LGR5: variants seen among roughly 807,000 people sequenced by gnomAD.
LGR5 encodes leucine rich repeat containing G protein-coupled receptor 5.
LGR5 carries 54 observed loss-of-function variants against 76.7 expected under a neutral mutation model. The ratio of observed to expected loss-of-function variants is 0.70; its 90% CI spans 0.57 to 0.88. The LOEUF (loss-of-function observed/expected upper bound fraction) is 0.88, where lower values mean the gene tolerates loss of function less well. LGR5 is among the 40% of genes least tolerant of loss of function. The pLI, the probability that LGR5 is intolerant of heterozygous loss-of-function variation, is 0.00. For missense variants in LGR5, 1,078 were observed against 1,073.3 expected, an observed-to-expected ratio of 1.00 and a Z score of -0.06; for synonymous variants, 406 against 421.9, an observed-to-expected ratio of 0.96 and a Z score of 0.46.
chr12:71,524,370 A>T (rs753546594), intron 2 of LGR5, 36 bp from the exon 3 acceptor site: 1 of 1,460,390 alleles, frequency 6.8e-7, no homozygotes, highest in African/African-American at 1.4e-5. Context: ...ATGAAGAGGT[A>T]TGCTCACTCT....
chr12:71,581,087 C>A lies in LGR5; in HGVS notation c.1552+664C>A, dbSNP rs562025965. ...TGTTTCTGAGGATGTCTTTTTCATA[C>A]GTACTTCAGAAACTTTTTCTCCAGA... On this transcript the variant is annotated intron_variant, in intron 16 of 17. Transcript: ENST00000266674. Among the ~76,000 whole-genome samples, 13 of 152,312 alleles carry A rather than the reference C, an allele frequency of 8.5e-5. No individual in the cohort carries two copies. The East Asian group carries it at 2.3e-3, about 27-fold the overall frequency.
At chr12:71,543,349 C>T (rs1318881413) in intron 4 of LGR5, among the ~76,000 whole-genome samples, 1 of 152,154 alleles carries the variant, frequency 6.6e-6, no homozygotes, top group African/African-American at 2.4e-5. Context: ...AATTAGTTTT[C>T]CCATTGTCTC....
At chr12:71,465,955 ACT>A (rs1872846472) in intron 1 of LGR5, among the ~76,000 whole-genome samples, 1 of 152,052 alleles carries the variant, frequency 6.6e-6, no homozygotes, top group African/African-American at 2.4e-5. Flanking sequence ...CCTCTTCCAT[ACT>A]CCTTTCCATT....
At chr12:71,442,538 T>A (rs1363893603) in intron 1 of LGR5, among the ~76,000 whole-genome samples, 1 of 152,256 alleles carries the variant, frequency 6.6e-6, no homozygotes, top group African/African-American at 2.4e-5. Context: ...TACTTATTTC[T>A]AATGCAACAC....
intron 15 of LGR5, among the ~76,000 whole-genome samples, chr12:71,579,498 A>G (rs1258828803): frequency 1.3e-5 from 2 of 152,132 alleles, no homozygotes; most frequent in African/African-American, 2.4e-5. Context: ...TTTAATTTTT[A>G]ATGTTTTTAT....
chr12:71,498,240 A>C (rs983637656), intron 1 of LGR5, among the ~76,000 whole-genome samples: 20 of 152,216 alleles, frequency 1.3e-4, no homozygotes, highest in African/African-American at 4.3e-4. Flanking sequence ...GCAAAACACA[A>C]AGAGAGTTTG....
intron 12 of LGR5, 24 bp downstream of exon 12, chr12:71,571,603 A>G (rs200572559): frequency 6.4e-7 from 1 of 1,554,304 alleles, no homozygotes; most frequent in East Asian, 2.2e-5. Flanking sequence ...TCTCTAAGTC[A>G]CCTAGCAAAA....
intron 2 of LGR5, among the ~76,000 whole-genome samples, chr12:71,514,838 G>A (rs778508383): frequency 1.3e-5 from 2 of 152,210 alleles, no homozygotes; most frequent in Admixed American, 6.5e-5. Flanking sequence ...ATCACTTGAG[G>A]CATTGGCTAG....
intron 1 of LGR5, among the ~76,000 whole-genome samples, chr12:71,502,889 A>G (rs1874674795): frequency 6.6e-6 from 1 of 152,244 alleles, no homozygotes; most frequent in Non-Finnish European, 1.5e-5. Context: ...AACTTTCTGC[A>G]GATAAACAAG....
intron 2 of LGR5, among the ~76,000 whole-genome samples, chr12:71,518,351 C>T (rs1026592436): frequency 2.0e-5 from 3 of 152,120 alleles, no homozygotes; most frequent in African/African-American, 7.2e-5. Context: ...CAAAACATAA[C>T]AGTTGCTGGC....
intron 11 of LGR5, among the ~76,000 whole-genome samples, chr12:71,569,896 A>G (rs11178851): frequency 0.19 from 28,999 of 152,214 alleles, 3,145 homozygotes; most frequent in East Asian, 0.44. Context: ...TAGCAAAGAC[A>G]TGGAATCAAC....
chr12:71,496,470 T>C (rs762994190), intron 1 of LGR5, among the ~76,000 whole-genome samples: 2 of 152,072 alleles, frequency 1.3e-5, no homozygotes, highest in Non-Finnish European at 2.9e-5. Context: ...GGTATTCTTA[T>C]AGGCTACTTG....
intron 1 of LGR5, among the ~76,000 whole-genome samples, chr12:71,453,464 C>CTTT (rs565288717): frequency 1.4e-5 from 2 of 138,304 alleles, no homozygotes; most frequent in South Asian, 4.6e-4. Context: ...TTATCCTTTC[C>CTTT]TTTTTTTTTT....
At chr12:71,524,531 G>C in intron 3 of LGR5, 54 bp downstream of exon 3, 1 of 1,250,834 alleles carries the variant, frequency 8.0e-7, no homozygotes, top group African/African-American at 1.5e-5. Flanking sequence ...TCAAATGGCT[G>C]CTAATTAACT....
intron 12 of LGR5, among the ~76,000 whole-genome samples, chr12:71,572,118 C>G (rs1422014955): frequency 6.7e-6 from 1 of 149,098 alleles, no homozygotes. Flanking sequence ...GAGTCTCGCT[C>G]TGTCGCCCAG....
chr12:71,502,677 C>T (rs1874662503), intron 1 of LGR5, among the ~76,000 whole-genome samples: 1 of 152,160 alleles, frequency 6.6e-6, no homozygotes, highest in South Asian at 2.1e-4. Context: ...AGGTTCCCAC[C>T]CAAGATGCTC....
rs757518010 is a variant in LGR5 at position 71,535,171 on chromosome 12, G to A, written c.413G>A (p.Arg138Gln). 42 of 1,607,700 alleles carry A rather than the reference G, an allele frequency of 2.6e-5. No homozygotes were observed. The highest frequency in any genetic ancestry group is 1.6e-4 in the South Asian group (15 of 90,932). ...HVPTEALQNLRSLQSLRLDAN... is the reference protein window; with the variant it reads ...HVPTEALQNLQSLQSLRLDAN... ...CCCACAGAAGCTCTGCAGAATTTGC[G>A]AAGCCTTCAATCCCTGTAAGTATAG... Residue 138 changes from arginine (R) to glutamine (Q), a missense_variant, in exon 4 of 18, where the codon CGA (arginine) becomes CAA (glutamine). Arg to Gln is a conservative substitution (Grantham distance 43, BLOSUM62 1). Coordinates refer to ENST00000266674, the MANE Select transcript of LGR5 (RefSeq NM_003667.4).
rs1053010386 is a variant in LGR5, at chr12:71,440,704, G to T, written c.212+412G>T. Among the ~76,000 whole-genome samples the T allele has an allele frequency of 2.6e-5, 4 of 152,144 alleles. No individual in the cohort carries two copies. Among genetic ancestry groups the T allele is most frequent in the African/African-American group, 9.7e-5 (4 of 41,440 alleles). On this transcript the variant is annotated intron_variant, in intron 1 of 17. Coordinates refer to ENST00000266674, the MANE Select transcript of LGR5 (RefSeq NM_003667.4). The surrounding 1 kb of genome is among the most constrained non-coding windows in gnomAD (Gnocchi z 5.3). ...CTCTCTGCGTCTAGTCGCATTCCAC[G>T]AAAAGATGGTCTGTAGAAAGTTTCC...
At chr12:71,486,223 G>A (rs67643764) in intron 1 of LGR5, among the ~76,000 whole-genome samples, 13,642 of 152,166 alleles carry the variant, frequency 0.09, 654 homozygotes, top group Non-Finnish European at 0.11. Context: ...CTCAGTTGCC[G>A]CTGTTGACAC....
Sources: allele counts gnomAD v4.1 joint callset (sites outside exome capture counted in the v4.1 genomes callset), GRCh38; gene constraint gnomAD v4.1.1; non-coding constraint Gnocchi (gnomAD v3.1); transcripts MANE v1.5; gene names NCBI Gene and HGNC (gene_info 2026-07-23, HGNC 2026-07-21).